CHD2: variants seen among roughly 807,000 people sequenced by gnomAD.
The protein encoded by CHD2 is chromodomain helicase DNA binding protein 2.
A neutral mutation model predicts 243.9 loss-of-function variants in CHD2; 28 were observed. The ratio of observed to expected loss-of-function variants is 0.11; its 90% CI spans 0.09 to 0.16. CHD2 has a LOEUF of 0.16. Ranked by LOEUF, CHD2 falls within the 10% of genes least tolerant of loss-of-function variation. CHD2 has a pLI of 1.00. For synonymous variants in CHD2, 775 were observed against 779.0 expected (o/e 0.99, Z 0.09); for missense variants, 1,386 against 2,209.8 (o/e 0.63, Z 7.47).
chr15:92,974,359 A>G (rs927512257), intron 19 of CHD2, among the ~76,000 whole-genome samples: 8 of 152,324 alleles, frequency 5.3e-5, no homozygotes, highest in Middle Eastern at 3.4e-3. Flanking sequence ...AAGCTGGGAT[A>G]TATGATCAAT....
intron 22 of CHD2, among the ~76,000 whole-genome samples, chr15:92,980,020 GGTGT>G (rs1371302642): frequency 6.9e-6 from 1 of 145,208 alleles, no homozygotes; most frequent in Non-Finnish European, 1.5e-5. Flanking sequence ...CTTCTGTGGT[GGTGT>G]TTCAGCTATG....
intron 26 of CHD2, among the ~76,000 whole-genome samples, chr15:92,990,780 A>G (rs565405159): frequency 6.6e-6 from 1 of 152,230 alleles, no homozygotes; most frequent in East Asian, 1.9e-4. Flanking sequence ...GATGCCCTTA[A>G]TGTGTCATGA....
chr15:92,914,409 T>C (rs541092055), intron 2 of CHD2, among the ~76,000 whole-genome samples: 3 of 152,236 alleles, frequency 2.0e-5, no homozygotes, highest in Non-Finnish European at 2.9e-5. Flanking sequence ...TAACCAGGCT[T>C]CTTGCTAGAA....
At chr15:92,967,805 T>C in intron 17 of CHD2, among the ~76,000 whole-genome samples, 1 of 152,066 alleles carries the variant, frequency 6.6e-6, no homozygotes, top group East Asian at 1.9e-4. Flanking sequence ...TTGTTGTTAT[T>C]AAGCAAAATT....
At chr15:93,019,875 G>A in intron 37 of CHD2, 137 bp from the exon 38 acceptor site, 1 of 1,029,008 alleles carries the variant, frequency 9.7e-7, no homozygotes. Context: ...GGAGATTGCA[G>A]TGATCTAAGA....
chr15:92,979,077 T>C (rs1311521223), intron 21 of CHD2, 58 bp from the exon 22 acceptor site: 41 of 1,582,302 alleles, frequency 2.6e-5, no homozygotes, highest in Non-Finnish European at 3.5e-5. Context: ...CTTCTCTCTT[T>C]TTTTGGGGGG....
rs2054208246 is a variant in CHD2 at position 92,998,051 on chromosome 15, T to A, written c.3886-448T>A. 4 of 360,422 alleles carry A rather than the reference T, an allele frequency of 1.1e-5. No individual in the cohort carries two copies. Among genetic ancestry groups the A allele is most frequent in the Non-Finnish European group, 1.6e-5 (4 of 257,188 alleles). 22.3% of individuals were successfully genotyped at this position (360,422 alleles called of 1,614,324 possible). A position where few individuals can be genotyped will look rare whatever the true frequency, so the allele number is the denominator to read the frequency against. ...AGATTCAGTCTGGCAAGAGACCCAG[T>A]TGTTGTAGCAAGGAACAGATCATGT... On this transcript the variant is annotated intron_variant, in intron 30 of 38. Transcript: ENST00000394196. The surrounding 1 kb of genome is among the most constrained non-coding windows in gnomAD (Gnocchi z 5.1).
intron 2 of CHD2, among the ~76,000 whole-genome samples, chr15:92,922,526 T>G (rs1010187738): frequency 1.3e-5 from 2 of 152,168 alleles, no homozygotes; most frequent in African/African-American, 4.8e-5. Flanking sequence ...ATGGTGTTAT[T>G]TGCAGCAGTC....
chr15:92,973,448 A>G (rs1452272214), intron 19 of CHD2, among the ~76,000 whole-genome samples: 3 of 152,270 alleles, frequency 2.0e-5, no homozygotes, highest in South Asian at 2.1e-4. Context: ...CTTTGAATGG[A>G]TGAACTCTTC....
At chr15:93,002,437 G>A in intron 33 of CHD2, 120 bp downstream of exon 33, 1 of 1,465,288 alleles carries the variant, frequency 6.8e-7, no homozygotes, top group Non-Finnish European at 9.0e-7. Context: ...GTATGTTCAA[G>A]AAGGATGGGT....
At chr15:92,963,333 TAAA>T (rs1170826371) in intron 16 of CHD2, among the ~76,000 whole-genome samples, 1 of 152,172 alleles carries the variant, frequency 6.6e-6, no homozygotes, top group Non-Finnish European at 1.5e-5. Context: ...TTTTTGCTAT[TAAA>T]AAAATTGTAA....
chr15:92,996,871 C>T (rs1198859202), intron 28 of CHD2, 86 bp from the exon 29 acceptor site: 2 of 1,306,930 alleles, frequency 1.5e-6, no homozygotes, highest in Non-Finnish European at 2.1e-6. Flanking sequence ...TTCAGAGAGA[C>T]TAAGAGGTCA....
chr15:92,940,885 T>TAC (rs2053359222), intron 7 of CHD2, among the ~76,000 whole-genome samples: 1 of 85,132 alleles, frequency 1.2e-5, no homozygotes. Flanking sequence ...CATATAAATA[T>TAC]ATATAAAAAT....
intron 2 of CHD2, among the ~76,000 whole-genome samples, chr15:92,912,646 G>T (rs1366448339): frequency 6.6e-6 from 1 of 152,234 alleles, no homozygotes; most frequent in African/African-American, 2.4e-5. Context: ...TGATTCTCCT[G>T]CCTCAGCCTT....
intron 26 of CHD2, among the ~76,000 whole-genome samples, chr15:92,990,194 G>A (rs896233922): frequency 6.6e-6 from 1 of 152,150 alleles, no homozygotes; most frequent in African/African-American, 2.4e-5. Context: ...GGGGAATAGG[G>A]CTTTTGGAGA....
In CHD2 at chr15:92,997,884, A is replaced by G. The variant is rs369844577; in HGVS notation, c.3885+481A>G. Reference sequence around the variant, plus strand: ...CCTATCTGTTGCAAGTAGCAAGGCCATGGTTGGAGCTATAAGCAGGGAAGG... The same window carrying G: ...CCTATCTGTTGCAAGTAGCAAGGCCGTGGTTGGAGCTATAAGCAGGGAAGG... On this transcript the variant is annotated intron_variant, in intron 30 of 38. Transcript: ENST00000394196. The surrounding 1 kb of genome is among the most constrained non-coding windows in gnomAD (Gnocchi z 4.1). The G allele has an allele frequency of 1.3e-5, 2 of 156,030 alleles. No homozygotes were observed. Among genetic ancestry groups the G allele is most frequent in the East Asian group, 1.9e-4 (1 of 5,256 alleles). The allele number at this position is 156,030 out of a possible 1,614,324, so 9.7% of individuals were successfully genotyped here.
At chr15:92,938,777 T>A (rs779358680) in intron 6 of CHD2, among the ~76,000 whole-genome samples, 1 of 152,226 alleles carries the variant, frequency 6.6e-6, no homozygotes, top group Non-Finnish European at 1.5e-5. Context: ...TTTTTATCAC[T>A]GATGGAATAT....
chr15:92,992,833 G>C, intron 27 of CHD2, 26 bp from the exon 28 acceptor site: 1 of 1,609,746 alleles, frequency 6.2e-7, no homozygotes, highest in Admixed American at 1.7e-5. Context: ...GGGTCCTAAA[G>C]TGTCCCCATA....
In CHD2 at chr15:92,953,536, T is replaced by C; in HGVS notation, c.1682T>C (p.Val561Ala). The change falls in exon 14 of 39, where the codon GTA becomes GCA. Residue 561 changes from valine to alanine, a missense_variant. Coordinates refer to ENST00000394196, the MANE Select transcript of CHD2 (RefSeq NM_001271.4). ...EFEIWAPEIN[V>A]VVYIGDLMSR... Reference sequence around the variant, plus strand: ...GAAATCTGGGCACCAGAGATTAACGTAGTGGTTTACATAGGTGACCTGATG... The same window carrying C: ...GAAATCTGGGCACCAGAGATTAACGCAGTGGTTTACATAGGTGACCTGATG... 6.2e-7 allele frequency: 1 copy of C among 1,614,114 alleles called. No individual in the cohort carries two copies. The highest frequency in any genetic ancestry group is 8.5e-7 in the Non-Finnish European group (1 of 1,180,002).
Sources: allele counts gnomAD v4.1 joint callset (sites outside exome capture counted in the v4.1 genomes callset), GRCh38; gene constraint gnomAD v4.1.1; non-coding constraint Gnocchi (gnomAD v3.1); transcripts MANE v1.5; gene names NCBI Gene and HGNC (gene_info 2026-07-23, HGNC 2026-07-21).